Variants in SLC22A3 observed in about 807,000 individuals in gnomAD.
The protein encoded by SLC22A3 is solute carrier family 22 member 3.
In SLC22A3, 51 loss-of-function variants were observed where a neutral mutation model predicts 59.1. The observed-to-expected ratio is 0.86, with a 90% CI of 0.69 to 1.09. The LOEUF (loss-of-function observed/expected upper bound fraction) is 1.09, where lower values mean the gene tolerates loss of function less well. SLC22A3 is among the 50% of genes least tolerant of loss of function. The pLI is 0.00. For missense variants in SLC22A3, 711 were observed against 726.3 expected, an observed-to-expected ratio of 0.98 and a Z score of 0.24; for synonymous variants, 325 against 292.0, an observed-to-expected ratio of 1.11 and a Z score of -1.15.
chr6:160,410,550 TC>T (rs201875352), intron 4 of SLC22A3, among the ~76,000 whole-genome samples, 178 bp from the exon 5 acceptor site: 3,130 of 152,304 alleles, frequency 0.021, 96 homozygotes, highest in African/African-American at 0.062. Context: ...CTAGCATTTT[TC>T]CCCATCCATT....
At chr6:160,385,628 C>A (rs1243675280) in intron 1 of SLC22A3, among the ~76,000 whole-genome samples, 1 of 152,242 alleles carries the variant, frequency 6.6e-6, no homozygotes, top group Non-Finnish European at 1.5e-5. Flanking sequence ...GACCCATGGG[C>A]TCCTGCACAA....
At chr6:160,449,784 A>C (rs1788880963) in intron 10 of SLC22A3, among the ~76,000 whole-genome samples, 1 of 152,186 alleles carries the variant, frequency 6.6e-6, no homozygotes, top group Admixed American at 6.5e-5. Context: ...AAAGAGAGGA[A>C]TTTTACAGCT....
chr6:160,450,367 T>A (rs1285361614), intron 10 of SLC22A3, among the ~76,000 whole-genome samples: 2 of 152,238 alleles, frequency 1.3e-5, no homozygotes, highest in Non-Finnish European at 2.9e-5. Context: ...ATGGCTGTAT[T>A]CTGCCCGATC....
intron 2 of SLC22A3, among the ~76,000 whole-genome samples, chr6:160,405,524 T>C (rs1786978631): frequency 6.6e-6 from 1 of 152,128 alleles, no homozygotes; most frequent in Non-Finnish European, 1.5e-5. Flanking sequence ...CTTACAAAAT[T>C]AAACATACTT....
intron 5 of SLC22A3, among the ~76,000 whole-genome samples, chr6:160,411,766 A>G (rs1787259655): frequency 1.3e-5 from 2 of 152,194 alleles, no homozygotes; most frequent in South Asian, 2.1e-4. Flanking sequence ...AAAAAATGAA[A>G]TGGGACAAAA....
chr6:160,446,218 T>C (rs763177546), intron 9 of SLC22A3, among the ~76,000 whole-genome samples: 14 of 152,124 alleles, frequency 9.2e-5, no homozygotes, highest in Non-Finnish European at 1.9e-4. Flanking sequence ...GGAACCTGAC[T>C]GGAGCAGAGC....
chr6:160,374,885 T>C (rs1406561018), intron 1 of SLC22A3, among the ~76,000 whole-genome samples: 1 of 152,232 alleles, frequency 6.6e-6, no homozygotes, highest in African/African-American at 2.4e-5. Flanking sequence ...ATGTGTGTCT[T>C]GTCTCTACCT....
chr6:160,407,336 A>G (rs1301931874), intron 3 of SLC22A3, 141 bp downstream of exon 3: 5 of 866,236 alleles, frequency 5.8e-6, no homozygotes, highest in Non-Finnish European at 7.0e-6. Flanking sequence ...ATTTCTGCAG[A>G]TGGGAGAGCT....
intron 1 of SLC22A3, among the ~76,000 whole-genome samples, chr6:160,373,462 TC>T (rs1785474355): frequency 6.6e-6 from 1 of 152,172 alleles, no homozygotes; most frequent in Non-Finnish European, 1.5e-5. Flanking sequence ...GGGAGGTGTC[TC>T]CCAGTCAGGA....
intron 5 of SLC22A3, chr6:160,425,984 CT>C (rs1787936226): frequency 1.0e-6 from 1 of 985,416 alleles, no homozygotes; most frequent in South Asian, 4.7e-5. Context: ...TCATCTATCT[CT>C]AAATGTTCTG....
intron 1 of SLC22A3, among the ~76,000 whole-genome samples, chr6:160,363,818 T>TG (rs1785107940): frequency 6.6e-6 from 1 of 151,288 alleles, no homozygotes; most frequent in African/African-American, 2.5e-5. Flanking sequence ...CCTTTGTCTG[T>TG]GGGGTTTTTC....
chr6:160,410,674 AT>A (rs1036996066), intron 4 of SLC22A3, 54 bp from the exon 5 acceptor site: 6 of 1,098,558 alleles, frequency 5.5e-6, no homozygotes, highest in African/African-American at 4.6e-5. Flanking sequence ...AAGGCAATAG[AT>A]TTTAGCGTTT....
chr6:160,351,451 G>GT (rs1288260726), intron 1 of SLC22A3, among the ~76,000 whole-genome samples: 1 of 152,088 alleles, frequency 6.6e-6, no homozygotes, highest in East Asian at 1.9e-4. Context: ...GCTTCTTTTG[G>GT]TTTGTTTTTC....
chr6:160,360,451 T>A (rs2114750318), intron 1 of SLC22A3, among the ~76,000 whole-genome samples: 1 of 152,272 alleles, frequency 6.6e-6, no homozygotes, highest in Admixed American at 6.5e-5. Context: ...AGAGCAAGAC[T>A]CTGTCTTAAA....
At chr6:160,434,131 T>C (rs116199712) in intron 5 of SLC22A3, among the ~76,000 whole-genome samples, 2,277 of 152,312 alleles carry the variant, frequency 0.015, 58 homozygotes, top group African/African-American at 0.052. Flanking sequence ...AACGAGTTGG[T>C]GGTGATACTT....
chr6:160,350,081 G>C (rs999074054), intron 1 of SLC22A3, among the ~76,000 whole-genome samples: 7 of 152,166 alleles, frequency 4.6e-5, no homozygotes, highest in Non-Finnish European at 1.0e-4. Flanking sequence ...ATGGCTCTAT[G>C]CTATGTGCTC....
At position 160,348,600 on chromosome 6, in the gene SLC22A3, G is replaced by C. The variant is rs772653083; in HGVS notation, c.181G>C (p.Glu61Gln). The change falls in exon 1 of 11, where the codon GAG becomes CAG. Residue 61 changes from glutamate (E) to glutamine (Q), a missense_variant. By Grantham distance (29) the Glu-to-Gln change is conservative. Transcript: ENST00000275300. ...CRGPSAAALA[E>Q]RCGWSPEEEW... is the part of the protein sequence containing the mutation. ...CGGGCCAAGTGCCGCGGCGCTGGCC[G>C]AGCGCTGCGGCTGGAGCCCGGAGGA... The C allele has an allele frequency of 2.4e-5, 37 of 1,512,112 alleles. No homozygotes were observed. Among genetic ancestry groups the C allele is most frequent in the Non-Finnish European group, 3.2e-5 (37 of 1,138,604 alleles). 93.7% of individuals were successfully genotyped at this position (1,512,112 alleles called of 1,614,324 possible).
chr6:160,376,192 G>C (rs574501034), intron 1 of SLC22A3, among the ~76,000 whole-genome samples: 5 of 152,342 alleles, frequency 3.3e-5, no homozygotes, highest in South Asian at 2.1e-4. Context: ...GTCCTTTGCA[G>C]GGATATGGAT....
rs990853906 is a variant in SLC22A3 at position 160,410,815 on chromosome 6, A to G, written c.944A>G (p.Asn315Ser). The change falls in exon 5 of 11, where the codon AAT (asparagine) becomes AGT (serine). Residue 315 changes from asparagine to serine, a missense_variant. Coordinates refer to ENST00000275300, the MANE Select transcript of SLC22A3 (RefSeq NM_021977.4). ...LQILRRIAKC[N>S]GKYLSSNYSE... ...ATCCTGAGACGCATTGCTAAGTGCA[A>G]TGGGAAATACCTCTCATCAAATTAC... The G allele has an allele frequency of 1.2e-5, 19 of 1,610,550 alleles. No individual in the cohort carries two copies. Among genetic ancestry groups the G allele is most frequent in the Non-Finnish European group, 1.5e-5 (18 of 1,177,154 alleles).
Sources: gnomAD v4.1 joint callset for allele counts (sites outside exome capture counted in the v4.1 genomes callset) on GRCh38, gnomAD v4.1.1 for gene constraint, MANE v1.5 for transcripts, NCBI Gene and HGNC (gene_info 2026-07-23, HGNC 2026-07-21) for gene names.